Variants in RBFOX1 observed in about 807,000 individuals in gnomAD.
RBFOX1 encodes the protein RNA binding protein fox-1 homolog 1.
A neutral mutation model predicts 57.7 loss-of-function variants in RBFOX1; 8 were observed. That is an observed-to-expected ratio of 0.14 (90% CI 0.08 to 0.25). The LOEUF is 0.25. Among genes scored for constraint, RBFOX1 ranks in the 10% least tolerant of loss-of-function variants. The pLI is 1.00. For synonymous variants in RBFOX1, 326 were observed against 222.4 expected (o/e 1.47, Z -4.15); for missense variants, 611 against 548.5 (o/e 1.11, Z -1.14).
At chr16:6,505,887 G>A (rs561501460) in intron 2 of RBFOX1, among the ~76,000 whole-genome samples, 3 of 152,296 alleles carry the variant, frequency 2.0e-5, no homozygotes, top group South Asian at 4.1e-4. Flanking sequence ...AACAATGGGC[G>A]AAAGTGACAG....
chr16:5,395,644 C>T (rs1325718262), intron 1 of RBFOX1, among the ~76,000 whole-genome samples: 2 of 152,198 alleles, frequency 1.3e-5, no homozygotes. Flanking sequence ...TGATCCCCTC[C>T]CGTTGCATGT....
Position 6,119,544 on chromosome 16 carries a change from C to A in RBFOX1, c.-127+99552C>A, listed in dbSNP as rs188701041. The stretch of plus-strand genomic sequence containing the variant: ...GTGATTTTCAATTTCCTCTCATGCC[C>A]TGTACATGTATTCATTGGAACACTT... On this transcript the variant is annotated intron_variant, in intron 1 of 15. Coordinates refer to ENST00000550418, the MANE Select transcript of RBFOX1 (RefSeq NM_018723.4). 1.9e-3 allele frequency among the ~76,000 whole-genome samples: 283 copies of A among 152,286 alleles called. 1 individual carries two copies. Among genetic ancestry groups the A allele is most frequent in the African/African-American group, 6.1e-3 (255 of 41,552 alleles).
At chr16:7,339,643 T>C (rs2096855917) in intron 4 of RBFOX1, among the ~76,000 whole-genome samples, 2 of 152,170 alleles carry the variant, frequency 1.3e-5, no homozygotes, top group Admixed American at 1.3e-4. Flanking sequence ...TTTCACCATG[T>C]TGGCTGGGCT....
At chr16:7,085,103 GTGTGTGTGTGTT>G (rs1395729267) in intron 4 of RBFOX1, among the ~76,000 whole-genome samples, 3 of 152,286 alleles carry the variant, frequency 2.0e-5, no homozygotes, top group African/African-American at 4.8e-5. Context: ...AAAGTTGTGT[GTGTGTGTGTGTT>G]TGTGTGTGTA....
chr16:5,482,045 T>A (rs2069562420), intron 2 of RBFOX1, among the ~76,000 whole-genome samples: 1 of 152,162 alleles, frequency 6.6e-6, no homozygotes, highest in Non-Finnish European at 1.5e-5. Flanking sequence ...AGCCTCTTCT[T>A]AGGTAGTGAT....
At chr16:7,344,256 A>T (rs1250567897) in intron 4 of RBFOX1, among the ~76,000 whole-genome samples, 1 of 151,400 alleles carries the variant, frequency 6.6e-6, no homozygotes, top group Non-Finnish European at 1.5e-5. Flanking sequence ...CTGAGGATCA[A>T]ATCAATTAAT....
chr16:6,152,461 C>A (rs1032239351), intron 1 of RBFOX1, among the ~76,000 whole-genome samples: 2 of 152,166 alleles, frequency 1.3e-5, no homozygotes, highest in African/African-American at 4.8e-5. Context: ...TGCCATAATT[C>A]AGAAAGCAGC....
At chr16:5,405,008 T>C (rs1396978337) in intron 1 of RBFOX1, among the ~76,000 whole-genome samples, 1 of 152,228 alleles carries the variant, frequency 6.6e-6, no homozygotes, top group Non-Finnish European at 1.5e-5. Flanking sequence ...TTACATGCAA[T>C]AATTCATTCT....
chr16:6,207,599 T>C (rs1302090481), intron 1 of RBFOX1, among the ~76,000 whole-genome samples: 2 of 152,206 alleles, frequency 1.3e-5, no homozygotes, highest in Non-Finnish European at 2.9e-5. Context: ...CAGATTGCCA[T>C]ATATTAATTT....
chr16:5,365,880 G>T (rs2151354913), intron 1 of RBFOX1: 1 of 507,736 alleles, frequency 2.0e-6, no homozygotes, highest in South Asian at 1.4e-5. Flanking sequence ...TGACAAAGAT[G>T]ATCACTTCAA....
intron 2 of RBFOX1, among the ~76,000 whole-genome samples, chr16:5,493,171 G>T (rs2042890696): frequency 6.6e-6 from 1 of 152,206 alleles, no homozygotes; most frequent in African/African-American, 2.4e-5. Flanking sequence ...TTGAAACTCA[G>T]ATCCCGAAGA....
intron 3 of RBFOX1, among the ~76,000 whole-genome samples, chr16:6,905,728 A>T (rs376987548): frequency 2.0e-5 from 3 of 152,148 alleles, no homozygotes; most frequent in Non-Finnish European, 2.9e-5. Context: ...TTTCTCTCCA[A>T]TGCCTGAGGC....
At chr16:7,364,708 C>A (rs868275624) in intron 4 of RBFOX1, among the ~76,000 whole-genome samples, 1 of 152,000 alleles carries the variant, frequency 6.6e-6, no homozygotes, top group African/African-American at 2.4e-5. Context: ...ATCATCAGAT[C>A]TCTCTGGTTA....
chr16:7,359,353 C>G (rs1444890785), intron 4 of RBFOX1, among the ~76,000 whole-genome samples: 1 of 151,876 alleles, frequency 6.6e-6, no homozygotes, highest in Non-Finnish European at 1.5e-5. Context: ...TGTTATATGC[C>G]ATCTAATTGT....
At chr16:5,634,204 T>C (rs1162649336) in intron 3 of RBFOX1, among the ~76,000 whole-genome samples, 1 of 152,260 alleles carries the variant, frequency 6.6e-6, no homozygotes, top group Non-Finnish European at 1.5e-5. Flanking sequence ...TATTGCAAAT[T>C]TGATATACCT....
chr16:7,425,378 T>G (rs1467366678), intron 4 of RBFOX1, among the ~76,000 whole-genome samples: 2 of 152,308 alleles, frequency 1.3e-5, no homozygotes, highest in East Asian at 3.9e-4. Flanking sequence ...ACGTCTTCAT[T>G]GCTTCATTTT....
Position 6,090,704 on chromosome 16 carries a change from C to T in RBFOX1, c.-127+70712C>T, listed in dbSNP as rs73523894. On this transcript the variant is annotated intron_variant, in intron 1 of 15. Transcript: ENST00000550418. ...GGTTTACTGTTCTTTTGACAACCTG[C>T]CATCTCTAATTAGCTCCAGGGCCCC... Among the ~76,000 whole-genome samples, 1,126 of 152,280 alleles carry T rather than the reference C, an allele frequency of 7.4e-3. 11 individuals carry two copies. The highest frequency in any genetic ancestry group is 0.026 in the African/African-American group (1,091 of 41,556).
intron 1 of RBFOX1, chr16:6,056,941 A>C (rs1261418433): frequency 6.6e-6 from 1 of 151,834 alleles, no homozygotes; most frequent in East Asian, 1.9e-4. Flanking sequence ...GTGGCAATTG[A>C]TTAAACTCTC....
At chr16:6,251,746 CT>C (rs902658071) in intron 1 of RBFOX1, among the ~76,000 whole-genome samples, 2 of 152,112 alleles carry the variant, frequency 1.3e-5, no homozygotes, top group Admixed American at 1.3e-4. Context: ...CAAACTGATG[CT>C]TCCTCTTCAT....
Sources: gnomAD v4.1 joint callset for allele counts (sites outside exome capture counted in the v4.1 genomes callset) on GRCh38, gnomAD v4.1.1 for gene constraint, MANE v1.5 for transcripts, NCBI Gene and HGNC (gene_info 2026-07-23, HGNC 2026-07-21) for gene names.